EPHA7: variants seen among roughly 807,000 people sequenced by gnomAD.
The protein encoded by EPHA7 is ephrin type-A receptor 7.
Under a neutral mutation model 112.6 loss-of-function variants are expected in EPHA7, and 25 were observed. The ratio of observed to expected loss-of-function variants is 0.22; its 90% CI spans 0.16 to 0.31. The LOEUF is 0.31. EPHA7 is among the 10% of genes least tolerant of loss of function. The pLI, the probability that EPHA7 is intolerant of heterozygous loss-of-function variation, is 1.00. For synonymous variants in EPHA7, 437 were observed against 406.5 expected (o/e 1.07, Z -0.90); for missense variants, 962 against 1,212.6 (o/e 0.79, Z 3.07).
intron 10 of EPHA7, among the ~76,000 whole-genome samples, chr6:93,258,576 A>ACTGT (rs35491898): frequency 0.45 from 66,818 of 150,028 alleles, 15,677 homozygotes; most frequent in South Asian, 0.7. Context: ...GCTTTCCTAA[A>ACTGT]CTGTTAAACA....
intron 3 of EPHA7, among the ~76,000 whole-genome samples, chr6:93,388,474 G>T (rs1777740878): frequency 6.6e-6 from 1 of 152,074 alleles, no homozygotes; most frequent in East Asian, 1.9e-4. Flanking sequence ...TCATTTATAT[G>T]TGTAATCATT....
At chr6:93,382,965 C>T (rs1777415362) in intron 3 of EPHA7, among the ~76,000 whole-genome samples, 1 of 152,146 alleles carries the variant, frequency 6.6e-6, no homozygotes, top group Non-Finnish European at 1.5e-5. Context: ...TTTGAAACTG[C>T]TTCCGTCTCT....
rs572200868 is a variant in EPHA7 at position 93,284,777 on chromosome 6, G to A, written c.1325-12355C>T. Among the ~76,000 whole-genome samples the A allele has an allele frequency of 3.4e-3, 510 of 148,556 alleles. 3 individuals are homozygous for A. Among genetic ancestry groups the A allele is most frequent in the African/African-American group, 0.012 (487 of 40,726 alleles). On this transcript the variant is annotated intron_variant, in intron 5 of 16. Coordinates refer to ENST00000369303, the MANE Select transcript of EPHA7 (RefSeq NM_004440.4). ...ACCCAAACACCTCATGTTCTCACTC[G>A]TAAGTGGGAGTTGAACAATGAGAAC...
chr6:93,394,335 CAATT>C (rs748785297), intron 3 of EPHA7, among the ~76,000 whole-genome samples: 26 of 151,318 alleles, frequency 1.7e-4, no homozygotes, highest in Non-Finnish European at 3.7e-4. Flanking sequence ...TGAGGATAAA[CAATT>C]GATGAGAGAG....
At chr6:93,357,854 ATG>A (rs1376367267) in intron 4 of EPHA7, among the ~76,000 whole-genome samples, 1 of 152,054 alleles carries the variant, frequency 6.6e-6, no homozygotes, top group Non-Finnish European at 1.5e-5. Flanking sequence ...GGGTTTCACC[ATG>A]TTGGCCAGGC....
intron 2 of EPHA7, among the ~76,000 whole-genome samples, chr6:93,412,499 C>T (rs1779025556): frequency 6.6e-6 from 1 of 152,046 alleles, no homozygotes; most frequent in South Asian, 2.1e-4. Context: ...TTGTTATACA[C>T]AGTCTAATAC....
At chr6:93,331,552 T>C (rs1388683181) in intron 5 of EPHA7, among the ~76,000 whole-genome samples, 2 of 151,456 alleles carry the variant, frequency 1.3e-5, no homozygotes, top group African/African-American at 4.8e-5. Flanking sequence ...CTAGAATGCA[T>C]ACTAAATTTA....
At chr6:93,265,406 C>A (rs1664626040) in intron 7 of EPHA7, among the ~76,000 whole-genome samples, 3 of 151,626 alleles carry the variant, frequency 2.0e-5, no homozygotes, top group Non-Finnish European at 4.4e-5. Context: ...CTAAATAATT[C>A]TTCTATGCTC....
At chr6:93,376,051 G>C (rs1370157106) in intron 3 of EPHA7, among the ~76,000 whole-genome samples, 1 of 152,134 alleles carries the variant, frequency 6.6e-6, no homozygotes, top group Non-Finnish European at 1.5e-5. Context: ...TCATTAATGA[G>C]TCTGAAAATA....
chr6:93,313,307 C>A (rs956944653), intron 5 of EPHA7, among the ~76,000 whole-genome samples: 8 of 151,986 alleles, frequency 5.3e-5, no homozygotes, highest in Non-Finnish European at 4.4e-5. Flanking sequence ...AAAAAGATTT[C>A]ATTTCATGAG....
At chr6:93,379,880 A>G (rs1777249383) in intron 3 of EPHA7, among the ~76,000 whole-genome samples, 1 of 152,046 alleles carries the variant, frequency 6.6e-6, no homozygotes, top group Admixed American at 6.6e-5. Context: ...GATTCTGTGA[A>G]ATTTTTTGCC....
chr6:93,294,840 C>T (rs186590895), intron 5 of EPHA7, among the ~76,000 whole-genome samples: 3 of 152,018 alleles, frequency 2.0e-5, no homozygotes, highest in South Asian at 4.2e-4. Context: ...AAAATCAGTA[C>T]TTTTTCTTTG....
chr6:93,245,543 C>T (rs1769907877), intron 15 of EPHA7, 90 bp from the exon 16 acceptor site: 4 of 1,321,422 alleles, frequency 3.0e-6, no homozygotes, highest in Non-Finnish European at 4.1e-6. Context: ...GTATAAAGAA[C>T]AAAATTAGAT....
intron 3 of EPHA7, among the ~76,000 whole-genome samples, chr6:93,366,449 T>A (rs1299886754): frequency 6.6e-6 from 1 of 152,228 alleles, no homozygotes; most frequent in Non-Finnish European, 1.5e-5. Context: ...ATGAAATGTC[T>A]AGCTGCTAAA....
At chr6:93,412,124 G>T (rs1779006020) in intron 2 of EPHA7, among the ~76,000 whole-genome samples, 1 of 151,844 alleles carries the variant, frequency 6.6e-6, no homozygotes. Context: ...TGAATGGTTT[G>T]TTTTCTTCGT....
At chr6:93,343,641 A>C (rs1775248864) in intron 5 of EPHA7, among the ~76,000 whole-genome samples, 1 of 151,670 alleles carries the variant, frequency 6.6e-6, no homozygotes, top group Non-Finnish European at 1.5e-5. Flanking sequence ...CCAAACTATA[A>C]AGTAAACTGT....
chr6:93,419,349 G>C lies in EPHA7; in HGVS notation c.-8C>G. ...CCGAGTTTGAAAAACCATGGTGCAT[G>C]AGCAGGTTTTATTTTAGGTTTCAGT... On this transcript the variant is annotated 5_prime_UTR_variant, in exon 1 of 17. Coordinates refer to ENST00000369303, the MANE Select transcript of EPHA7 (RefSeq NM_004440.4). 6.2e-7 allele frequency: 1 copy of C among 1,606,538 alleles called. No individual in the cohort carries two copies. Among genetic ancestry groups the C allele is most frequent in the Non-Finnish European group, 8.5e-7 (1 of 1,174,122 alleles).
chr6:93,418,553 A>G (rs533669854), intron 1 of EPHA7, among the ~76,000 whole-genome samples: 17 of 152,224 alleles, frequency 1.1e-4, no homozygotes, highest in African/African-American at 3.8e-4. Flanking sequence ...CGCTGCCCCC[A>G]TGACCGCTGG....
chr6:93,383,912 T>C (rs1777474483), intron 3 of EPHA7, among the ~76,000 whole-genome samples: 1 of 152,062 alleles, frequency 6.6e-6, no homozygotes, highest in South Asian at 2.1e-4. Flanking sequence ...GATCTCAAAC[T>C]CCTAGCTTCA....
Sources: gnomAD v4.1 joint callset for allele counts (sites outside exome capture counted in the v4.1 genomes callset) on GRCh38, gnomAD v4.1.1 for gene constraint, MANE v1.5 for transcripts, NCBI Gene and HGNC (gene_info 2026-07-23, HGNC 2026-07-21) for gene names.